Variants in NLRC3 observed in about 807,000 individuals in gnomAD.
NLRC3 encodes the protein NLR family CARD domain-containing protein 3.
NLRC3 carries 87 observed loss-of-function variants against 91.6 expected under a neutral mutation model. The ratio of observed to expected loss-of-function variants is 0.95; its 90% CI spans 0.80 to 1.14. The LOEUF (loss-of-function observed/expected upper bound fraction) is 1.14. Ranked by LOEUF, NLRC3 falls within the 50% of genes most tolerant of loss-of-function variation. NLRC3 has a pLI of 0.00. For missense variants in NLRC3, 1,577 were observed against 1,418.6 expected, an observed-to-expected ratio of 1.11 and a Z score of -1.79; for synonymous variants, 694 against 625.3, an observed-to-expected ratio of 1.11 and a Z score of -1.64.
Position 3,540,028 on chromosome 16 carries a change from C to G in NLRC3, c.*1797G>C, listed in dbSNP as rs533093452. The stretch of plus-strand genomic sequence containing the variant: ...TTTTTTGACAAGAATACATCAGAGA[C>G]GACTCCGTGGTGCATCAGACTGGGG... On this transcript the variant is annotated 3_prime_UTR_variant, in exon 20 of 20. Coordinates refer to ENST00000359128, the MANE Select transcript of NLRC3 (RefSeq NM_178844.4). The G allele has an allele frequency of 2.3e-4, 35 of 152,292 alleles. No individual in the cohort carries two copies. Among genetic ancestry groups the G allele is most frequent in the African/African-American group, 8.2e-4 (34 of 41,556 alleles). The allele number at this position is 152,292 out of a possible 1,614,324, so 9.4% of individuals were successfully genotyped here. A position where few individuals can be genotyped will look rare whatever the true frequency, so the allele number is the denominator to read the frequency against.
intron 1 of NLRC3, among the ~76,000 whole-genome samples, chr16:3,576,575 C>CCAT (rs2151111432): frequency 6.6e-6 from 1 of 152,346 alleles, no homozygotes; most frequent in East Asian, 1.9e-4. Context: ...TTCTCCTGGG[C>CCAT]CATCACTGGT....
In NLRC3 at chr16:3,544,273, T is replaced by G; in HGVS notation, c.2828A>C (p.Lys943Thr). ...GAGAGCAGTGAGGGCTGTGTTGACC[T>G]TCAGTGCACGGGCCACCGCACACGC... ...DGACAVARAL[K>T]VNTALTALYL... Residue 943 changes from lysine (K) to threonine (T), a missense_variant, in exon 16 of 20, where the codon AAG becomes ACG. By Grantham distance (78) the Lys-to-Thr change is moderately conservative (BLOSUM62 -1). Transcript: ENST00000359128. 1 of 1,612,716 alleles carries G rather than the reference T, an allele frequency of 6.2e-7. No homozygotes were observed. Among genetic ancestry groups the G allele is most frequent in the Non-Finnish European group, 8.5e-7 (1 of 1,178,936 alleles).
intron 10 of NLRC3, among the ~76,000 whole-genome samples, chr16:3,551,036 TTCATCCATCCAC>T (rs1171918030): frequency 3.3e-5 from 5 of 151,918 alleles, no homozygotes; most frequent in Non-Finnish European, 1.5e-5. Context: ...CACTTACCCA[TTCATCCATCCAC>T]TCATCCATCC....
At chr16:3,570,779 C>G (rs958034924) in intron 1 of NLRC3, among the ~76,000 whole-genome samples, 1 of 152,158 alleles carries the variant, frequency 6.6e-6, no homozygotes, top group African/African-American at 2.4e-5. Context: ...GCACCACCCC[C>G]TCAGGGCTGG....
chr16:3,556,918 A>G lies in NLRC3; in HGVS notation c.2176T>C (p.Ser726Pro). The change falls in exon 8 of 20, where the codon TCC becomes CCC. Residue 726 changes from serine to proline, a missense_variant. Coordinates refer to ENST00000359128, the MANE Select transcript of NLRC3 (RefSeq NM_178844.4). ...DALKINRTLTSLSLQGNTVRD... is the reference protein window; with the variant it reads ...DALKINRTLTPLSLQGNTVRD... Reference sequence around the variant, plus strand: ...GGAGCAGGTGACACACACCTCAGGGAGGTCAGGGTGCGGTTGATCTTCAAA... The same window carrying G: ...GGAGCAGGTGACACACACCTCAGGGGGGTCAGGGTGCGGTTGATCTTCAAA... 6.2e-7 allele frequency: 1 copy of G among 1,611,924 alleles called. No individual in the cohort carries two copies. Among genetic ancestry groups the G allele is most frequent in the Admixed American group, 1.7e-5 (1 of 59,984 alleles).
intron 15 of NLRC3, among the ~76,000 whole-genome samples, chr16:3,546,399 A>G (rs2038691199): frequency 6.6e-6 from 1 of 151,674 alleles, no homozygotes; most frequent in South Asian, 2.1e-4. Context: ...TCTATTAAAA[A>G]AAAAAAAAAA....
At position 3,565,049 on chromosome 16, in the gene NLRC3, C is replaced by G. The variant is rs921806508; in HGVS notation, c.-13G>C. ...CTTGCTTCCTCATGGAGTCGGGGATCACCTCCAGGAGCTGTGAAGAGAGGG... is the reference window on the plus strand; with the variant it reads ...CTTGCTTCCTCATGGAGTCGGGGATGACCTCCAGGAGCTGTGAAGAGAGGG... On this transcript the variant is annotated 5_prime_UTR_variant, in exon 4 of 20. Coordinates refer to ENST00000359128, the MANE Select transcript of NLRC3 (RefSeq NM_178844.4). The G allele has an allele frequency of 1.9e-6, 3 of 1,606,758 alleles. No individual in the cohort carries two copies. In the African/African-American group the frequency reaches 4.0e-5, roughly 21 times the overall value.
intron 9 of NLRC3, 53 bp downstream of exon 9, chr16:3,554,189 G>T: frequency 7.4e-7 from 1 of 1,359,392 alleles, no homozygotes; most frequent in Non-Finnish European, 1.1e-6. Flanking sequence ...AGAGGCCCTT[G>T]GAGGAGGAGG....
chr16:3,561,749 C>G lies in NLRC3; in HGVS notation c.1968G>C (p.Leu656=), dbSNP rs759296606. 4 of 1,613,652 alleles carry G rather than the reference C, an allele frequency of 2.5e-6. No homozygotes were observed. The highest frequency in any genetic ancestry group is 2.5e-6 in the Non-Finnish European group (3 of 1,179,754). Residue 656 remains leucine, a synonymous_variant, in exon 6 of 20, where the codon CTG becomes CTC. Transcript: ENST00000359128. ...CCTTCCCACTCAGCACGCTGCCCAGCAGCTCCATCACGGGGTCCTGGAACT... is the reference window on the plus strand; with the variant it reads ...CCTTCCCACTCAGCACGCTGCCCAGGAGCTCCATCACGGGGTCCTGGAACT... ...TNQFQDPVME[L]LGSVLSGKDC...
Position 3,539,456 on chromosome 16 carries a change from T to C in NLRC3, c.*2369A>G, listed in dbSNP as rs2151076988. ...CCATTTCAGACAGCTTGAAGATGTA[T>C]GATCATTATTTGAAAAGGGAGAGAG... On this transcript the variant is annotated 3_prime_UTR_variant, in exon 20 of 20. Coordinates refer to ENST00000359128, the MANE Select transcript of NLRC3 (RefSeq NM_178844.4). The C allele has an allele frequency of 6.6e-6, 1 of 152,360 alleles. No individual in the cohort carries two copies. The highest frequency in any genetic ancestry group is 2.1e-4 in the South Asian group (1 of 4,826). The allele number at this position is 152,360 out of a possible 1,614,324, so 9.4% of individuals were successfully genotyped here.
intron 1 of NLRC3, among the ~76,000 whole-genome samples, chr16:3,570,455 G>A (rs1269826555): frequency 3.9e-5 from 6 of 152,204 alleles, no homozygotes; most frequent in African/African-American, 1.4e-4. Flanking sequence ...TTGACCTGCG[G>A]TTTGACGGGT....
At chr16:3,552,817 G>A (rs1050522419) in intron 9 of NLRC3, among the ~76,000 whole-genome samples, 5 of 152,218 alleles carry the variant, frequency 3.3e-5, no homozygotes, top group African/African-American at 9.6e-5. Context: ...GCATACACCT[G>A]TAATCCCAGC....
At chr16:3,549,996 A>C (rs543444409) in intron 11 of NLRC3, among the ~76,000 whole-genome samples, 1 of 152,120 alleles carries the variant, frequency 6.6e-6, no homozygotes, top group South Asian at 2.1e-4. Context: ...CAGCACAACA[A>C]ACCCCCAAAT....
Position 3,566,557 on chromosome 16 carries a change from C to A in NLRC3, c.-87+686G>T, listed in dbSNP as rs111937790. Among the ~76,000 whole-genome samples, 731 of 152,246 alleles carry A rather than the reference C, an allele frequency of 4.8e-3. 7 individuals carry two copies. Among genetic ancestry groups the A allele is most frequent in the African/African-American group, 0.017 (691 of 41,520 alleles). On this transcript the variant is annotated intron_variant, in intron 2 of 19. Coordinates refer to ENST00000359128, the MANE Select transcript of NLRC3 (RefSeq NM_178844.4). ...CCTGACCAACATGGAGAAACCCCAT[C>A]TCTATTAAATATACAAAATTAGCCA... is the stretch of plus-strand genomic sequence containing the variant.
At position 3,564,200 on chromosome 16, in the gene NLRC3, T is replaced by C; in HGVS notation, c.737A>G (p.Asp246Gly). The change falls in exon 5 of 20, where the codon GAC becomes GGC. Residue 246 changes from aspartate (D) to glycine (G), a missense_variant. Asp to Gly is a moderately conservative substitution (Grantham distance 94). Coordinates refer to ENST00000359128, the MANE Select transcript of NLRC3 (RefSeq NM_178844.4). This position sits in a 1 kb window ranked among gnomAD's most constrained non-coding sequence, Gnocchi z 5.9. Reference sequence around the variant, plus strand: ...ACGGATGATGTTGGTGATCAGGTGGTCCACCGGGATCTCCTTCTTTGGGTC... The same window carrying C: ...ACGGATGATGTTGGTGATCAGGTGGCCCACCGGGATCTCCTTCTTTGGGTC... ...CTDPKKEIPV[D>G]HLITNIIRGN... is the part of the protein sequence containing the mutation. 1 of 1,613,430 alleles carries C rather than the reference T, an allele frequency of 6.2e-7. No homozygotes were observed. The highest frequency in any genetic ancestry group is 8.5e-7 in the Non-Finnish European group (1 of 1,179,882).
At position 3,555,958 on chromosome 16, in the gene NLRC3, A is replaced by C. The variant is rs2039295424; in HGVS notation, c.2183+953T>G. The C allele has an allele frequency of 1.3e-5, 2 of 149,270 alleles. 1 individual carries two copies. Among genetic ancestry groups the C allele is most frequent in the South Asian group, 4.2e-4 (2 of 4,768 alleles). 9.2% of individuals were successfully genotyped at this position (149,270 alleles called of 1,614,324 possible). Reference sequence around the variant, plus strand: ...AATAAATAAATAAATAAATAAATAAATAAATAAATAAATGAAAACAGAACA... The same window carrying C: ...AATAAATAAATAAATAAATAAATAACTAAATAAATAAATGAAAACAGAACA... On this transcript the variant is annotated intron_variant, in intron 8 of 19. Transcript: ENST00000359128.
In NLRC3 at chr16:3,563,762, C is replaced by T. The variant is rs1052071945; in HGVS notation, c.1175G>A (p.Gly392Asp). The change falls in exon 5 of 20, where the codon GGT becomes GAT. Residue 392 changes from glycine to aspartate, a missense_variant. Gly to Asp is a moderately conservative substitution (Grantham distance 94). Transcript: ENST00000359128. Reference protein sequence around the residue: ...ASPRIEQVAHGGRKMVGTLGR... With the variant: ...ASPRIEQVAHDGRKMVGTLGR... ...CAATGTCCCCACCATCTTGCGGCCA[C>T]CATGGGCCACCTGCTCGATGCGAGG... 6.2e-7 allele frequency: 1 copy of T among 1,613,302 alleles called. No homozygotes were observed. The highest frequency in any genetic ancestry group is 1.7e-5 in the Admixed American group (1 of 59,988).
intron 15 of NLRC3, chr16:3,544,548 A>G: frequency 1.8e-6 from 1 of 542,976 alleles, no homozygotes; most frequent in African/African-American, 1.9e-5. Context: ...CTGAACCGCC[A>G]GAGGCAAGCA....
chr16:3,551,354 A>G (rs1475821674), intron 10 of NLRC3, among the ~76,000 whole-genome samples: 1 of 150,684 alleles, frequency 6.6e-6, no homozygotes, highest in Non-Finnish European at 1.5e-5. Context: ...TCAACCATCC[A>G]TCCATTCACG....
Sources: allele counts gnomAD v4.1 joint callset (sites outside exome capture counted in the v4.1 genomes callset), GRCh38; gene constraint gnomAD v4.1.1; non-coding constraint Gnocchi (gnomAD v3.1); transcripts MANE v1.5; gene names NCBI Gene and HGNC (gene_info 2026-07-23, HGNC 2026-07-21).